SLC26A7: variants seen among roughly 807,000 people sequenced by gnomAD.
The protein encoded by SLC26A7 is anion exchange transporter.
In SLC26A7, 59 loss-of-function variants were observed where a neutral mutation model predicts 82.5. That is an observed-to-expected ratio of 0.72 (90% CI 0.58 to 0.89). The LOEUF (loss-of-function observed/expected upper bound fraction) is 0.89, where lower values mean the gene tolerates loss of function less well. Among genes scored for constraint, SLC26A7 ranks in the 40% least tolerant of loss-of-function variants. The pLI is 0.00. For synonymous variants in SLC26A7, 271 were observed against 274.3 expected (o/e 0.99, Z 0.12); for missense variants, 820 against 793.0 (o/e 1.03, Z -0.41).
chr8:91,307,819 A>AT (rs564078843), intron 4 of SLC26A7, among the ~76,000 whole-genome samples: 273 of 150,462 alleles, frequency 1.8e-3, no homozygotes, highest in Non-Finnish European at 3.0e-3. Flanking sequence ...AAATAAATAA[A>AT]AAAAATAAAT....
At position 91,363,498 on chromosome 8, in the gene SLC26A7, T is replaced by C; in HGVS notation, c.1448T>C (p.Met483Thr). The C allele has an allele frequency of 6.6e-7, 1 of 1,508,136 alleles. No homozygotes were observed. Among genetic ancestry groups the C allele is most frequent in the Non-Finnish European group, 9.1e-7 (1 of 1,100,344 alleles). The allele number at this position is 1,508,136 out of a possible 1,614,324, so 93.4% of individuals were successfully genotyped here. The change falls in exon 13 of 19, where the codon ATG (methionine) becomes ACG (threonine). Residue 483 changes from methionine (M) to threonine (T), a missense_variant. Coordinates refer to ENST00000276609, the MANE Select transcript of SLC26A7 (RefSeq NM_052832.4). The stretch of plus-strand genomic sequence containing the variant: ...GCAATGACTGTAAGTATAAAAAATA[T>C]GAAAGAAATGGAATTTAAAGTGAAG... ...PRAMTVSIKN[M>T]KEMEFKVKTE... is the part of the protein sequence containing the mutation.
chr8:91,357,878 A>T (rs1813917761), intron 11 of SLC26A7, among the ~76,000 whole-genome samples: 1 of 152,246 alleles, frequency 6.6e-6, no homozygotes, highest in African/African-American at 2.4e-5. Context: ...AAGGGCTAAT[A>T]TCCAGAATCT....
At chr8:91,212,369 A>G (rs1325348591) in intron 1 of SLC26A7, among the ~76,000 whole-genome samples, 1 of 152,112 alleles carries the variant, frequency 6.6e-6, no homozygotes, top group Admixed American at 6.5e-5. Context: ...AAAGTTGAAT[A>G]GTTTAGGGAG....
At chr8:91,265,688 CTT>C (rs1811091620) in intron 2 of SLC26A7, among the ~76,000 whole-genome samples, 2 of 152,002 alleles carry the variant, frequency 1.3e-5, no homozygotes, top group East Asian at 1.9e-4. Context: ...ATTTGTATGT[CTT>C]TGAAAAAATG....
intron 2 of SLC26A7, among the ~76,000 whole-genome samples, chr8:91,283,037 T>C (rs559512168): frequency 1.9e-4 from 29 of 152,264 alleles, no homozygotes; most frequent in African/African-American, 6.3e-4. Context: ...TAGCAAAAAA[T>C]TTAAAAAAAT....
chr8:91,300,668 A>G (rs1010029843), intron 4 of SLC26A7, among the ~76,000 whole-genome samples: 5 of 152,210 alleles, frequency 3.3e-5, no homozygotes, highest in African/African-American at 4.8e-5. Context: ...AAGTGCTGGG[A>G]TTACAGGCGT....
At chr8:91,335,790 T>C (rs1813223202) in intron 6 of SLC26A7, among the ~76,000 whole-genome samples, 1 of 152,206 alleles carries the variant, frequency 6.6e-6, no homozygotes, top group Non-Finnish European at 1.5e-5. Context: ...TGTTTTCTTA[T>C]GTTGACAAAC....
chr8:91,371,604 C>T (rs576096898), intron 15 of SLC26A7, among the ~76,000 whole-genome samples: 2 of 151,924 alleles, frequency 1.3e-5, no homozygotes, highest in East Asian at 1.9e-4. Context: ...AATATTCCAT[C>T]GTGTATATAT....
In SLC26A7 at chr8:91,239,503, T is replaced by C. The variant is rs1412972731; in HGVS notation, c.-33-10116T>C. On this transcript the variant is annotated intron_variant, in intron 2 of 5. Transcript: ENST00000522862. The stretch of plus-strand genomic sequence containing the variant: ...ATATATGTGTATGTGTACATATATA[T>C]ACACATATATATGAGAAAATATTTC... 2.0e-5 allele frequency among the ~76,000 whole-genome samples: 3 copies of C among 151,134 alleles called. No individual in the cohort carries two copies. The Admixed American group carries it at 2.0e-4, about 10-fold the overall frequency.
chr8:91,362,980 T>C (rs1814091711), intron 12 of SLC26A7, among the ~76,000 whole-genome samples: 1 of 152,102 alleles, frequency 6.6e-6, no homozygotes, highest in African/African-American at 2.4e-5. Flanking sequence ...TTACAAAGTA[T>C]TCTTGTGGGA....
intron 2 of SLC26A7, among the ~76,000 whole-genome samples, chr8:91,267,756 A>G (rs1443528541): frequency 1.3e-5 from 2 of 151,714 alleles, no homozygotes; most frequent in Admixed American, 6.6e-5. Flanking sequence ...TTTTAAAAAA[A>G]TATTTCTGTT....
At chr8:91,239,488 A>AT (rs1307760994) in intron 2 of SLC26A7, among the ~76,000 whole-genome samples, 26 of 150,336 alleles carry the variant, frequency 1.7e-4, no homozygotes, top group African/African-American at 6.1e-4. Flanking sequence ...ATATATGTGT[A>AT]TGTGTACATA....
intron 2 of SLC26A7, among the ~76,000 whole-genome samples, chr8:91,227,644 G>A (rs1810255623): frequency 6.6e-6 from 1 of 152,006 alleles, no homozygotes; most frequent in African/African-American, 2.4e-5. Flanking sequence ...CTAAAGTATT[G>A]ATATTATTTT....
chr8:91,295,622 A>G lies in SLC26A7; in HGVS notation c.396A>G (p.Thr132=), dbSNP rs749304111. 1 of 1,614,132 alleles carries G rather than the reference A, an allele frequency of 6.2e-7. No homozygotes were observed. The highest frequency in any genetic ancestry group is 8.5e-7 in the Non-Finnish European group (1 of 1,180,002). ...AGAATCTCACCACACAGAGTAACAC[A>G]AGCGTGCTGGGCTTATCCGACTTTG... ...NMQNLTTQSN[T]SVLGLSDFEM... is the part of the protein sequence containing the mutation. The change falls in exon 4 of 19, where the codon ACA becomes ACG. Residue 132 remains threonine, a synonymous_variant. Transcript: ENST00000276609.
intron 4 of SLC26A7, among the ~76,000 whole-genome samples, chr8:91,299,465 A>G (rs564326422): frequency 1.3e-5 from 2 of 151,742 alleles, no homozygotes; most frequent in African/African-American, 4.8e-5. Context: ...TGTGGAGTTT[A>G]TGCTTGTGAG....
At chr8:91,315,471 A>G (rs67356082) in intron 4 of SLC26A7, among the ~76,000 whole-genome samples, 1 of 151,240 alleles carries the variant, frequency 6.6e-6, no homozygotes, top group Non-Finnish European at 1.5e-5. Context: ...AAAAAAAAAA[A>G]CACCATGTTC....
intron 2 of SLC26A7, among the ~76,000 whole-genome samples, chr8:91,275,624 G>T (rs1033188410): frequency 9.2e-5 from 14 of 152,226 alleles, no homozygotes; most frequent in African/African-American, 2.9e-4. Flanking sequence ...ATGACGTTTT[G>T]CATCCTTACA....
intron 2 of SLC26A7, among the ~76,000 whole-genome samples, chr8:91,266,356 C>T (rs1811112149): frequency 6.6e-6 from 1 of 151,620 alleles, no homozygotes; most frequent in Non-Finnish European, 1.5e-5. Context: ...ATTAATTATT[C>T]CAATTTATGA....
chr8:91,344,095 A>C, intron 9 of SLC26A7: 1 of 985,394 alleles, frequency 1.0e-6, no homozygotes, highest in Non-Finnish European at 1.2e-6. Context: ...AGTGGTGGAA[A>C]AGATATTGAG....
Sources: gnomAD v4.1 joint callset for allele counts (sites outside exome capture counted in the v4.1 genomes callset) on GRCh38, gnomAD v4.1.1 for gene constraint, MANE v1.5 for transcripts, NCBI Gene and HGNC (gene_info 2026-07-23, HGNC 2026-07-21) for gene names.